SLC6A2: variants seen among roughly 807,000 people sequenced by gnomAD.
The protein encoded by SLC6A2 is solute carrier family 6 member 2.
A neutral mutation model predicts 71.7 loss-of-function variants in SLC6A2; 26 were observed. The ratio of observed to expected loss-of-function variants is 0.36; its 90% CI spans 0.27 to 0.50. The LOEUF (loss-of-function observed/expected upper bound fraction) is 0.50. SLC6A2 is among the 20% of genes least tolerant of loss of function. SLC6A2 has a pLI of 0.96. For synonymous variants in SLC6A2, 363 were observed against 337.9 expected (o/e 1.07, Z -0.82); for missense variants, 581 against 803.9 (o/e 0.72, Z 3.35).
In SLC6A2 at chr16:55,702,581, TG is replaced by T; in HGVS notation, c.*236del. On this transcript the variant is annotated 3_prime_UTR_variant, in exon 15 of 15. Coordinates refer to ENST00000568943, the MANE Select transcript of SLC6A2 (RefSeq NM_001172501.3). ...GAGGAGCAAACAGGAAAATGACTTCTGTTCTGTCCCCGCTGTTTTGGGGGAA... is the reference window on the plus strand; with the variant it reads ...GAGGAGCAAACAGGAAAATGACTTCTTTCTGTCCCCGCTGTTTTGGGGGAA... The T allele has an allele frequency of 7.0e-7, 1 of 1,432,686 alleles. No individual in the cohort carries two copies. Among genetic ancestry groups the T allele is most frequent in the Non-Finnish European group, 9.1e-7 (1 of 1,094,312 alleles). 88.7% of individuals were successfully genotyped at this position (1,432,686 alleles called of 1,614,324 possible).
At position 55,702,767 on chromosome 16, in the gene SLC6A2, A is replaced by C; in HGVS notation, c.*421A>C. 1 of 1,054,294 alleles carries C rather than the reference A, an allele frequency of 9.5e-7. No individual in the cohort carries two copies. Among genetic ancestry groups the C allele is most frequent in the Non-Finnish European group, 1.1e-6 (1 of 873,084 alleles). 65.3% of individuals were successfully genotyped at this position (1,054,294 alleles called of 1,614,324 possible). A position where few individuals can be genotyped will look rare whatever the true frequency, so the allele number is the denominator to read the frequency against. ...CCTCCCAAAAAAAAAAAAAACTAAA[A>C]CTAAAGCAAAAATCAAACAAAATCT... On this transcript the variant is annotated 3_prime_UTR_variant, in exon 15 of 15. Coordinates refer to ENST00000568943, the MANE Select transcript of SLC6A2 (RefSeq NM_001172501.3).
At chr16:55,700,050 C>G in intron 12 of SLC6A2, 89 bp from the exon 13 acceptor site, 1 of 1,111,472 alleles carries the variant, frequency 9.0e-7, no homozygotes, top group Non-Finnish European at 1.4e-6. Context: ...TCATTTCTCT[C>G]CCACCTTTCT....
At chr16:55,663,651 A>T (rs966999631) in intron 2 of SLC6A2, among the ~76,000 whole-genome samples, 1 of 152,140 alleles carries the variant, frequency 6.6e-6, no homozygotes, top group Non-Finnish European at 1.5e-5. Flanking sequence ...CTGTCTATCT[A>T]TCTATCCATC....
At chr16:55,669,742 C>T (rs374877277) in intron 3 of SLC6A2, 46 bp downstream of exon 3, 4 of 1,609,730 alleles carry the variant, frequency 2.5e-6, no homozygotes, top group East Asian at 2.2e-5. Flanking sequence ...TAAAGGCTTC[C>T]CTGTTGCCCT....
At chr16:55,675,630 G>A (rs1264579102) in intron 4 of SLC6A2, among the ~76,000 whole-genome samples, 3 of 152,188 alleles carry the variant, frequency 2.0e-5, no homozygotes, top group Non-Finnish European at 4.4e-5. Flanking sequence ...ATCCACCAGA[G>A]TACCCACTTG....
Position 55,656,936 on chromosome 16 carries a change from G to T in SLC6A2, c.242G>T (p.Arg81Leu). 1 of 1,613,840 alleles carries T rather than the reference G, an allele frequency of 6.2e-7. No individual in the cohort carries two copies. ...GFAVDLANVW[R>L]FPYLCYKNGG... ...GCAGTGGACCTGGCCAACGTGTGGC[G>T]CTTCCCCTACCTCTGCTACAAGAAC... The change falls in exon 2 of 15, where the codon CGC becomes CTC. Residue 81 changes from arginine to leucine, a missense_variant. Physicochemically the swap from Arg to Leu is moderately radical, Grantham distance 102 (BLOSUM62 -2). Transcript: ENST00000568943. The surrounding 1 kb of genome is among the most constrained non-coding windows in gnomAD (Gnocchi z 4.5).
At chr16:55,659,383 T>G (rs1964549237) in intron 2 of SLC6A2, among the ~76,000 whole-genome samples, 1 of 152,172 alleles carries the variant, frequency 6.6e-6, no homozygotes. Context: ...TTGTATGCAG[T>G]GTACTATAAA....
intron 2 of SLC6A2, among the ~76,000 whole-genome samples, chr16:55,659,557 A>G (rs1964554813): frequency 6.6e-6 from 1 of 152,146 alleles, no homozygotes; most frequent in South Asian, 2.1e-4. Flanking sequence ...AAACAGGAAA[A>G]GGCACAATGA....
chr16:55,668,255 T>C (rs1016320966), intron 2 of SLC6A2, among the ~76,000 whole-genome samples: 12 of 152,194 alleles, frequency 7.9e-5, no homozygotes, highest in Non-Finnish European at 1.5e-4. Flanking sequence ...CATGTGACTT[T>C]GCCACAGTTC....
At chr16:55,660,997 C>A (rs950017794) in intron 2 of SLC6A2, among the ~76,000 whole-genome samples, 1 of 152,222 alleles carries the variant, frequency 6.6e-6, no homozygotes. Context: ...CTGGGATGCA[C>A]GGGCTGCAGG....
At chr16:55,686,609 G>T (rs1965460345) in intron 5 of SLC6A2, among the ~76,000 whole-genome samples, 1 of 152,238 alleles carries the variant, frequency 6.6e-6, no homozygotes, top group South Asian at 2.1e-4. Flanking sequence ...GAAAGGGGGG[G>T]TGCACCAGAG....
At chr16:55,679,418 G>A (rs760779866) in intron 4 of SLC6A2, among the ~76,000 whole-genome samples, 8 of 151,988 alleles carry the variant, frequency 5.3e-5, no homozygotes, top group South Asian at 4.2e-4. Flanking sequence ...GCAGAGAGGC[G>A]GTTTCACCAT....
chr16:55,690,044 C>CT (rs1337132045), intron 5 of SLC6A2, among the ~76,000 whole-genome samples: 2 of 152,138 alleles, frequency 1.3e-5, no homozygotes, highest in African/African-American at 4.8e-5. Context: ...TTATCACTTA[C>CT]CCACTCATTC....
Position 55,672,125 on chromosome 16 carries a change from C to T in SLC6A2, c.594C>T (p.Asn198=). Reference sequence around the variant, plus strand: ...TCCTCAATGGCTCCGTGCTTGGCAACCACACCAAGTACTCCAAGTACAAGT... The same window carrying T: ...TCCTCAATGGCTCCGTGCTTGGCAATCACACCAAGTACTCCAAGTACAAGT... ...PKLLNGSVLG[N]HTKYSKYKFT... Residue 198 remains asparagine, a synonymous_variant, in exon 4 of 15, where the codon AAC becomes AAT. Transcript: ENST00000568943. 1 of 1,614,202 alleles carries T rather than the reference C, an allele frequency of 6.2e-7. No homozygotes were observed. The highest frequency in any genetic ancestry group is 8.5e-7 in the Non-Finnish European group (1 of 1,180,034).
rs1220462304 is a variant in SLC6A2, at chr16:55,692,003, G to A, written c.869G>A (p.Gly290Asp). ...HGVTLPGASN[G>D]INAYLHIDFY... The stretch of plus-strand genomic sequence containing the variant: ...GTCACGCTGCCCGGAGCCTCCAATG[G>A]CATCAATGCCTACCTGCACATCGAC... The change falls in exon 6 of 15, where the codon GGC becomes GAC. Residue 290 changes from glycine to aspartate, a missense_variant. By Grantham distance (94) the Gly-to-Asp change is moderately conservative. Coordinates refer to ENST00000568943, the MANE Select transcript of SLC6A2 (RefSeq NM_001172501.3). 2 of 1,614,182 alleles carry A rather than the reference G, an allele frequency of 1.2e-6. No homozygotes were observed. The highest frequency in any genetic ancestry group is 1.7e-6 in the Non-Finnish European group (2 of 1,180,036).
At chr16:55,685,696 A>G (rs1259641813) in intron 5 of SLC6A2, among the ~76,000 whole-genome samples, 6 of 152,230 alleles carry the variant, frequency 3.9e-5, no homozygotes, top group African/African-American at 1.4e-4. Flanking sequence ...CCATAAAATC[A>G]ATAAATCCCC....
chr16:55,672,920 T>A (rs1232540310), intron 4 of SLC6A2, among the ~76,000 whole-genome samples: 1 of 152,200 alleles, frequency 6.6e-6, no homozygotes, highest in Non-Finnish European at 1.5e-5. Context: ...ATAGTGCATA[T>A]ACCCATCACC....
chr16:55,673,567 T>G (rs1216752783), intron 4 of SLC6A2, among the ~76,000 whole-genome samples: 1 of 149,120 alleles, frequency 6.7e-6, no homozygotes, highest in African/African-American at 2.5e-5. Flanking sequence ...TTTATTTTAT[T>G]TTTTTGTTTT....
chr16:55,694,000 C>T lies in SLC6A2; in HGVS notation c.919-10C>T, dbSNP rs1045082302. ...AGCAGAGGCTGATGGCTTTTGTCTG[C>T]TGGTTTCAGGTATGGATTGATGCCG... On this transcript the variant is annotated splice_polypyrimidine_tract_variant and intron_variant, in intron 6 of 14. Transcript: ENST00000568943. The T allele has an allele frequency of 1.3e-5, 20 of 1,589,278 alleles. No individual in the cohort carries two copies. Among genetic ancestry groups the T allele is most frequent in the Non-Finnish European group, 1.7e-5 (20 of 1,157,390 alleles).
Sources: allele counts gnomAD v4.1 joint callset (sites outside exome capture counted in the v4.1 genomes callset), GRCh38; gene constraint gnomAD v4.1.1; non-coding constraint Gnocchi (gnomAD v3.1); transcripts MANE v1.5; gene names NCBI Gene and HGNC (gene_info 2026-07-23, HGNC 2026-07-21).